Variants in ZNF704 observed in about 807,000 individuals in gnomAD.
ZNF704 encodes the protein glucocorticoid induced gene 1.
Under a neutral mutation model 44.7 loss-of-function variants are expected in ZNF704, and 10 were observed. That is an observed-to-expected ratio of 0.22 (90% CI 0.14 to 0.38). The LOEUF is 0.38. Ranked by LOEUF, ZNF704 falls within the 10% of genes least tolerant of loss-of-function variation. The pLI, the probability that ZNF704 is intolerant of heterozygous loss-of-function variation, is 1.00. For missense variants in ZNF704, 390 were observed against 545.5 expected, an observed-to-expected ratio of 0.71 and a Z score of 2.84; for synonymous variants, 211 against 207.6, an observed-to-expected ratio of 1.02 and a Z score of -0.14.
In ZNF704 at chr8:80,638,318, G is replaced by A. The variant is rs752235772; in HGVS notation, c.*3048C>T. On this transcript the variant is annotated 3_prime_UTR_variant, in exon 9 of 9. Transcript: ENST00000327835. ...CAAAGGATAAAAAAAAAATCAAAAG[G>A]CTACATCATGCCTTACTTAGAAATA... The A allele has an allele frequency of 2.0e-5, 3 of 152,172 alleles. No individual in the cohort carries two copies. The highest frequency in any genetic ancestry group is 2.9e-5 in the Non-Finnish European group (2 of 68,012). The allele number at this position is 152,172 out of a possible 1,614,324, so 9.4% of individuals were successfully genotyped here.
chr8:80,675,606 AATAGACACATTCAAGAC>A (rs1818353053), intron 4 of ZNF704, among the ~76,000 whole-genome samples: 1 of 152,198 alleles, frequency 6.6e-6, no homozygotes, highest in African/African-American at 2.4e-5. Context: ...GATGGAGAAA[AATAGACACATTCAAGAC>A]ATAGTTTGGA....
At chr8:80,822,315 CCT>C (rs1344677598) in intron 1 of ZNF704, among the ~76,000 whole-genome samples, 1 of 151,536 alleles carries the variant, frequency 6.6e-6, no homozygotes, top group Non-Finnish European at 1.5e-5. Context: ...TGTTCCCCAC[CCT>C]GTGTCCAAGT....
At chr8:80,805,560 T>C (rs1459926247) in intron 2 of ZNF704, among the ~76,000 whole-genome samples, 1 of 152,188 alleles carries the variant, frequency 6.6e-6, no homozygotes. Context: ...CATACAAAAC[T>C]AGATATCTTT....
At chr8:80,849,785 A>G (rs1380839227) in intron 1 of ZNF704, among the ~76,000 whole-genome samples, 1 of 152,194 alleles carries the variant, frequency 6.6e-6, no homozygotes, top group East Asian at 1.9e-4. Flanking sequence ...CTGAGGATGA[A>G]GATGAAAGGT....
intron 2 of ZNF704, among the ~76,000 whole-genome samples, chr8:80,764,020 T>C (rs532730350): frequency 6.6e-6 from 1 of 152,358 alleles, no homozygotes; most frequent in African/African-American, 2.4e-5. Flanking sequence ...ATCAGCATTT[T>C]GCTCAAAACC....
chr8:80,664,679 G>C (rs756535151), intron 6 of ZNF704, 136 bp downstream of exon 6: 22 of 1,061,410 alleles, frequency 2.1e-5, no homozygotes, highest in Non-Finnish European at 2.9e-5. Context: ...AGGCTTTAAA[G>C]GGAGAAAAAT....
chr8:80,631,437 G>C lies in ZNF704; in HGVS notation c.*9929C>G, dbSNP rs1817583014. ...ATTATAACAATTATATGCTGCAGGAGCCACTTCCTTTTCACTTACTAAAGG... is the reference window on the plus strand; with the variant it reads ...ATTATAACAATTATATGCTGCAGGACCCACTTCCTTTTCACTTACTAAAGG... On this transcript the variant is annotated 3_prime_UTR_variant, in exon 9 of 9. Coordinates refer to ENST00000327835, the MANE Select transcript of ZNF704 (RefSeq NM_001033723.3). 1 of 152,154 alleles carries C rather than the reference G, an allele frequency of 6.6e-6. No homozygotes were observed. The highest frequency in any genetic ancestry group is 6.5e-5 in the Admixed American group (1 of 15,280). 9.4% of individuals were successfully genotyped at this position (152,154 alleles called of 1,614,324 possible). A position where few individuals can be genotyped will look rare whatever the true frequency, so the allele number is the denominator to read the frequency against.
chr8:80,783,677 TACA>T lies in ZNF704; in HGVS notation c.221+37694_221+37696del. On this transcript the variant is annotated intron_variant, in intron 2 of 8. Transcript: ENST00000327835. The stretch of plus-strand genomic sequence containing the variant: ...CCATGTTCCCCCTTCCCTCAACCTG[TACA>T]ACCTTTCCCACTGCCGACATCGATC... Among the ~76,000 whole-genome samples, 3 of 152,250 alleles carry T rather than the reference TACA, an allele frequency of 2.0e-5. No homozygotes were observed. In the South Asian group the frequency reaches 6.2e-4, roughly 32 times the overall value.
At chr8:80,747,925 C>T (rs369494828) in intron 2 of ZNF704, among the ~76,000 whole-genome samples, 15 of 152,262 alleles carry the variant, frequency 9.9e-5, no homozygotes, top group South Asian at 6.2e-4. Context: ...CCTTGTTGGC[C>T]AGGATGGTCC....
At chr8:80,864,088 C>G (rs1413804141) in intron 1 of ZNF704, among the ~76,000 whole-genome samples, 3 of 152,122 alleles carry the variant, frequency 2.0e-5, no homozygotes, top group Non-Finnish European at 4.4e-5. Flanking sequence ...CACAGATACA[C>G]AAGTGAAAAT....
chr8:80,815,885 T>A (rs1052119587), intron 2 of ZNF704, among the ~76,000 whole-genome samples: 22 of 152,246 alleles, frequency 1.4e-4, no homozygotes, highest in Non-Finnish European at 3.2e-4. Flanking sequence ...AAAAGCCCAG[T>A]TGCAAGCACT....
intron 7 of ZNF704, among the ~76,000 whole-genome samples, chr8:80,653,965 T>C (rs1205333550): frequency 4.0e-5 from 6 of 151,862 alleles, no homozygotes; most frequent in Non-Finnish European, 7.4e-5. Context: ...GTAACCAAAA[T>C]AGCATGGTAA....
chr8:80,764,912 G>C (rs947321477), intron 2 of ZNF704, among the ~76,000 whole-genome samples: 1 of 152,122 alleles, frequency 6.6e-6, no homozygotes, highest in African/African-American at 2.4e-5. Flanking sequence ...TATCAGTCAG[G>C]GTTCTCCAGG....
intron 2 of ZNF704, among the ~76,000 whole-genome samples, chr8:80,740,496 A>C (rs1806739066): frequency 6.6e-6 from 1 of 152,106 alleles, no homozygotes; most frequent in African/African-American, 2.4e-5. Context: ...GCCTAGTAAA[A>C]CCATGCAATA....
At chr8:80,744,426 C>T (rs960197766) in intron 2 of ZNF704, among the ~76,000 whole-genome samples, 14 of 152,090 alleles carry the variant, frequency 9.2e-5, no homozygotes, top group African/African-American at 3.1e-4. Context: ...CATGAGAACA[C>T]AAAATGAAAT....
At chr8:80,692,619 A>T (rs1818657850) in intron 3 of ZNF704, among the ~76,000 whole-genome samples, 1 of 152,346 alleles carries the variant, frequency 6.6e-6, no homozygotes, top group South Asian at 2.1e-4. Context: ...AAATTATTTA[A>T]TCTGAGAGTT....
chr8:80,821,916 C>A (rs779341749), intron 1 of ZNF704, among the ~76,000 whole-genome samples: 3 of 152,052 alleles, frequency 2.0e-5, no homozygotes, highest in Non-Finnish European at 2.9e-5. Context: ...TGTAAAACAT[C>A]ATTGTTTTAT....
At chr8:80,653,833 A>T (rs895312349) in intron 7 of ZNF704, among the ~76,000 whole-genome samples, 3 of 152,208 alleles carry the variant, frequency 2.0e-5, no homozygotes, top group African/African-American at 7.2e-5. Context: ...GAATCGGAAA[A>T]AACTACTTTA....
At chr8:80,647,547 T>G (rs1817852750) in intron 7 of ZNF704, among the ~76,000 whole-genome samples, 1 of 152,316 alleles carries the variant, frequency 6.6e-6, no homozygotes, top group East Asian at 1.9e-4. Context: ...AAAGGAGCCC[T>G]GGAGTTAAGA....
Sources: allele counts gnomAD v4.1 joint callset (sites outside exome capture counted in the v4.1 genomes callset), GRCh38; gene constraint gnomAD v4.1.1; transcripts MANE v1.5; gene names NCBI Gene and HGNC (gene_info 2026-07-23, HGNC 2026-07-21).